Variants in SHTN1 observed in about 807,000 individuals in gnomAD.
The protein encoded by SHTN1 is shootin-1.
A neutral mutation model predicts 83.1 loss-of-function variants in SHTN1; 42 were observed. The observed-to-expected ratio is 0.51, with a 90% confidence interval of 0.39 to 0.65. SHTN1 has a LOEUF of 0.65. Among genes scored for constraint, SHTN1 ranks in the 30% least tolerant of loss-of-function variants. SHTN1 has a pLI of 0.00. For synonymous variants in SHTN1, 224 were observed against 247.7 expected (o/e 0.90, Z 0.90); for missense variants, 622 against 737.8 (o/e 0.84, Z 1.82).
At chr10:116,998,062 A>G (rs1440622020) in intron 1 of SHTN1, among the ~76,000 whole-genome samples, 2 of 152,162 alleles carry the variant, frequency 1.3e-5, no homozygotes, top group Non-Finnish European at 2.9e-5. Context: ...TCGGCACTTC[A>G]GCCTGGGGGA....
chr10:117,032,616 C>T (rs1852434863), intron 2 of SHTN1, among the ~76,000 whole-genome samples: 1 of 152,114 alleles, frequency 6.6e-6, no homozygotes, highest in African/African-American at 2.4e-5. Flanking sequence ...ATTCAACACT[C>T]CACTTTCAGC....
chr10:116,948,995 T>C lies in SHTN1; in HGVS notation c.537A>G (p.Val179=), dbSNP rs140631390. The C allele has an allele frequency of 2.0e-5, 31 of 1,551,826 alleles. No homozygotes were observed. The African/African-American group carries it at 4.3e-4, about 21-fold the overall frequency. Residue 179 remains valine (V), a splice_region_variant and synonymous_variant, in exon 7 of 17, where the codon GTA becomes GTG. Transcript: ENST00000355371. ...KSKLVEVIEE[V]NKVKQEKTVL... ...CAGTCTTTTCTTGTTTAACTTTATT[T>C]ACCTAAAAATGTGAAATTTTGAGGG...
intron 1 of SHTN1, among the ~76,000 whole-genome samples, chr10:116,993,899 CATT>C (rs1851534280): frequency 6.6e-6 from 1 of 152,004 alleles, no homozygotes; most frequent in South Asian, 2.1e-4. Context: ...AATGTTTAAA[CATT>C]AATTGCTAAA....
intron 2 of SHTN1, among the ~76,000 whole-genome samples, chr10:117,039,513 G>C (rs1480945779): frequency 6.6e-6 from 1 of 152,092 alleles, no homozygotes; most frequent in Non-Finnish European, 1.5e-5. Context: ...CAACAATGTA[G>C]GTTCATTAAT....
rs1849528466 is a variant in SHTN1, at chr10:116,945,102, G to T, written c.617-84C>A. On this transcript the variant is annotated intron_variant, in intron 7 of 16. Transcript: ENST00000355371. ...TATGGATGAAAAACAGTGTTGAAAA[G>T]ATTTTTCATACCAGCATACAGGTAC... 1.2e-5 allele frequency: 10 copies of T among 863,630 alleles called. No individual in the cohort carries two copies. In the Admixed American group the frequency reaches 2.0e-4, roughly 17 times the overall value. 53.5% of individuals were successfully genotyped at this position (863,630 alleles called of 1,614,324 possible).
rs1259086499 is a variant in SHTN1, at chr10:116,927,885, T to A, written c.1019A>T (p.Glu340Val). Reference protein sequence around the residue: ...KARNLKHSVDELQKRVNQSEN... With the variant: ...KARNLKHSVDVLQKRVNQSEN... ...AGACTGGTTCACTCGTTTCTGGAGT[T>A]CATCAACTGCACAGAGAGCAAACAT... Residue 340 changes from glutamate (E) to valine (V), a missense_variant, in exon 11 of 17, where the codon GAA becomes GTA. Transcript: ENST00000355371. 6.2e-7 allele frequency: 1 copy of A among 1,612,438 alleles called. No homozygotes were observed.
At chr10:116,945,385 T>C (rs1849539424) in intron 7 of SHTN1, among the ~76,000 whole-genome samples, 1 of 152,220 alleles carries the variant, frequency 6.6e-6, no homozygotes, top group African/African-American at 2.4e-5. Flanking sequence ...AGAAATATTA[T>C]TCTGCCATCA....
At position 117,053,390 on chromosome 10, in the gene SHTN1, A is replaced by T. The variant is rs536634757; in HGVS notation, c.-188-4880T>A. Among the ~76,000 whole-genome samples, 13 of 152,282 alleles carry T rather than the reference A, an allele frequency of 8.5e-5. 1 individual carries two copies. The South Asian group carries it at 2.7e-3, about 32-fold the overall frequency. ...CTAATAATGGTCTAATAACTAGAAT[A>T]TATAATACTTTTATAACTAAACAAC... On this transcript the variant is annotated intron_variant, in intron 1 of 17. Transcript: ENST00000392901.
chr10:116,985,800 T>C lies in SHTN1; in HGVS notation c.59-6492A>G, dbSNP rs543797859. ...CTCTTACTAATGGGAAATGAGGACATGAGTCACAAAAGATAGTGTTCAATT... is the reference window on the plus strand; with the variant it reads ...CTCTTACTAATGGGAAATGAGGACACGAGTCACAAAAGATAGTGTTCAATT... On this transcript the variant is annotated intron_variant, in intron 1 of 16. Transcript: ENST00000355371. Among the ~76,000 whole-genome samples the C allele has an allele frequency of 8.1e-4, 123 of 152,332 alleles. 2 individuals carry two copies. In the South Asian group the frequency reaches 0.022, roughly 27 times the overall value.
At chr10:117,033,759 T>A (rs1057320132) in intron 2 of SHTN1, among the ~76,000 whole-genome samples, 2 of 152,118 alleles carry the variant, frequency 1.3e-5, no homozygotes, top group African/African-American at 4.8e-5. Flanking sequence ...TTCTGATGAC[T>A]ATTGATAAAA....
chr10:116,949,201 G>A (rs369053004), intron 6 of SHTN1, among the ~76,000 whole-genome samples: 1 of 152,008 alleles, frequency 6.6e-6, no homozygotes, highest in Non-Finnish European at 1.5e-5. Context: ...TGTATACCTG[G>A]TACAGAACTT....
intron 2 of SHTN1, among the ~76,000 whole-genome samples, chr10:117,044,699 C>T (rs529432323): frequency 6.6e-6 from 1 of 152,132 alleles, no homozygotes; most frequent in East Asian, 1.9e-4. Flanking sequence ...AAAAAATATA[C>T]CTCCAAAAAC....
At chr10:116,930,054 G>C (rs1848901888) in intron 9 of SHTN1, 52 bp from the exon 10 acceptor site, 1 of 1,270,808 alleles carries the variant, frequency 7.9e-7, no homozygotes, top group Non-Finnish European at 1.1e-6. Context: ...TTTTTCCTTT[G>C]TCAAAGAAAA....
At chr10:116,903,543 C>A (rs1301202226) in intron 15 of SHTN1, among the ~76,000 whole-genome samples, 1 of 152,116 alleles carries the variant, frequency 6.6e-6, no homozygotes. Context: ...AAAAAAAGGC[C>A]TTTTCCTCCC....
At chr10:117,056,024 G>A (rs1780476736) in intron 1 of SHTN1, among the ~76,000 whole-genome samples, 1 of 152,158 alleles carries the variant, frequency 6.6e-6, no homozygotes, top group Non-Finnish European at 1.5e-5. Flanking sequence ...ACTTAACTGA[G>A]ATGAAACAGA....
intron 9 of SHTN1, among the ~76,000 whole-genome samples, chr10:116,934,473 G>A (rs1849082431): frequency 6.6e-6 from 1 of 152,282 alleles, no homozygotes; most frequent in East Asian, 1.9e-4. Flanking sequence ...AGATCAGATG[G>A]TTGTAGATGT....
intron 1 of SHTN1, among the ~76,000 whole-genome samples, chr10:117,077,481 A>G (rs2133608031): frequency 6.6e-6 from 1 of 151,710 alleles, no homozygotes; most frequent in African/African-American, 2.4e-5. Context: ...AGGGAGGAGA[A>G]TCTTTTTTTT....
intron 2 of SHTN1, among the ~76,000 whole-genome samples, chr10:117,040,240 A>T (rs1051891445): frequency 6.6e-6 from 1 of 152,134 alleles, no homozygotes; most frequent in African/African-American, 2.4e-5. Context: ...AATCTTTAAG[A>T]AGAAGAATGG....
intron 9 of SHTN1, among the ~76,000 whole-genome samples, chr10:116,932,982 C>T (rs1422563415): frequency 6.6e-5 from 10 of 152,036 alleles, no homozygotes; most frequent in African/African-American, 2.4e-4. Flanking sequence ...TAAACTGAAA[C>T]AAAAACACAT....
Sources: gnomAD v4.1 joint callset for allele counts (sites outside exome capture counted in the v4.1 genomes callset) on GRCh38, gnomAD v4.1.1 for gene constraint, MANE v1.5 for transcripts, NCBI Gene and HGNC (gene_info 2026-07-23, HGNC 2026-07-21) for gene names.